SPATS2L: variants seen among roughly 807,000 people sequenced by gnomAD.
The protein encoded by SPATS2L is spermatogenesis associated serine rich 2 like.
In SPATS2L, 30 loss-of-function variants were observed where a neutral mutation model predicts 59.6. That is an observed-to-expected ratio of 0.50 (90% CI 0.38 to 0.68). SPATS2L has a LOEUF of 0.68. Ranked by LOEUF, SPATS2L falls within the 30% of genes least tolerant of loss-of-function variation. The pLI, the probability that SPATS2L is intolerant of heterozygous loss-of-function variation, is 0.00. For missense variants in SPATS2L, 615 were observed against 700.0 expected (o/e 0.88, Z 1.37); for synonymous variants, 252 against 263.5 (o/e 0.96, Z 0.42).
upstream of SPATS2L, chr2:200,306,095 C>T (rs964845681): frequency 1.5e-5 from 15 of 985,768 alleles, no homozygotes; most frequent in African/African-American, 1.7e-5. Flanking sequence ...GCGGAACACC[C>T]CGGGTTGGTC....
At chr2:200,360,966 G>GGTGTGT (rs1559067313) in intron 2 of SPATS2L, among the ~76,000 whole-genome samples, 2 of 60,604 alleles carry the variant, frequency 3.3e-5, no homozygotes, top group African/African-American at 6.9e-5. Flanking sequence ...GCAGAACAGG[G>GGTGTGT]CTGTGTGTGT....
At position 200,306,721 on chromosome 2, in the gene SPATS2L, G is replaced by A; in HGVS notation, c.-274G>A. 1.0e-6 allele frequency: 1 copy of A among 977,050 alleles called. No homozygotes were observed. The highest frequency in any genetic ancestry group is 1.2e-6 in the Non-Finnish European group (1 of 826,918). 60.5% of individuals were successfully genotyped at this position (977,050 alleles called of 1,614,324 possible). A position where few individuals can be genotyped will look rare whatever the true frequency, so the allele number is the denominator to read the frequency against. On this transcript the variant is annotated 5_prime_UTR_variant, in exon 1 of 13. Transcript: ENST00000409140. ...TGTGTCAGTGAAGGAATCCAGTCCG[G>A]GGGCCGAGCTGGCTGCGCCCTCCGC...
intron 6 of SPATS2L, among the ~76,000 whole-genome samples, chr2:200,427,442 CAT>C (rs2083643455): frequency 6.7e-6 from 1 of 149,602 alleles, no homozygotes. Flanking sequence ...TATACATATA[CAT>C]ATATATTACA....
chr2:200,455,993 GC>G (rs950056100), intron 8 of SPATS2L, among the ~76,000 whole-genome samples: 1 of 152,120 alleles, frequency 6.6e-6, no homozygotes, highest in Non-Finnish European at 1.5e-5. Context: ...TTGATGTAAG[GC>G]TGGCTCCTCA....
chr2:200,479,222 T>G lies in SPATS2L; in HGVS notation c.*1191T>G. ...CCGGCCAGCTCCCATCTCTTAATTATCTTAGCTCTCCTTTCCTCCTTGGGT... is the reference window on the plus strand; with the variant it reads ...CCGGCCAGCTCCCATCTCTTAATTAGCTTAGCTCTCCTTTCCTCCTTGGGT... On this transcript the variant is annotated 3_prime_UTR_variant, in exon 13 of 13. Transcript: ENST00000409140. 4.5e-6 allele frequency: 1 copy of G among 220,834 alleles called. No individual in the cohort carries two copies. Among genetic ancestry groups the G allele is most frequent in the Non-Finnish European group, 8.8e-6 (1 of 113,086 alleles). The allele number at this position is 220,834 out of a possible 1,614,324, so 13.7% of individuals were successfully genotyped here. A position where few individuals can be genotyped will look rare whatever the true frequency, so the allele number is the denominator to read the frequency against.
chr2:200,328,795 C>G (rs2079840791), intron 1 of SPATS2L, among the ~76,000 whole-genome samples: 1 of 152,162 alleles, frequency 6.6e-6, no homozygotes, highest in South Asian at 2.1e-4. Flanking sequence ...ACCCATCTTT[C>G]CACCTAAGTG....
chr2:200,315,991 C>T (rs2079364032), intron 1 of SPATS2L, among the ~76,000 whole-genome samples: 2 of 144,582 alleles, frequency 1.4e-5, no homozygotes, highest in Admixed American at 1.4e-4. Context: ...TGCCACTGCA[C>T]TCCAGCCTGG....
chr2:200,455,099 G>A (rs1574634570), intron 8 of SPATS2L, among the ~76,000 whole-genome samples: 2 of 152,292 alleles, frequency 1.3e-5, no homozygotes, highest in South Asian at 4.1e-4. Flanking sequence ...GTGACCAAAA[G>A]TTTTGCATAA....
At chr2:200,359,426 A>T (rs1209542740) in intron 2 of SPATS2L, among the ~76,000 whole-genome samples, 1 of 152,194 alleles carries the variant, frequency 6.6e-6, no homozygotes, top group East Asian at 1.9e-4. Flanking sequence ...TTGTATCTTT[A>T]AAATGTTGAA....
At chr2:200,445,811 G>T (rs1242388584) in intron 8 of SPATS2L, among the ~76,000 whole-genome samples, 1 of 151,370 alleles carries the variant, frequency 6.6e-6, no homozygotes, top group African/African-American at 2.4e-5. Flanking sequence ...CTGCTTTCGT[G>T]TGATTCCTGG....
At chr2:200,455,938 A>C (rs1314521595) in intron 8 of SPATS2L, among the ~76,000 whole-genome samples, 1 of 152,172 alleles carries the variant, frequency 6.6e-6, no homozygotes, top group Non-Finnish European at 1.5e-5. Context: ...AGAAGGATTT[A>C]GGCATGGTCT....
intron 3 of SPATS2L, among the ~76,000 whole-genome samples, chr2:200,401,936 A>G (rs1207550957): frequency 6.6e-6 from 1 of 152,192 alleles, no homozygotes; most frequent in Admixed American, 6.5e-5. Flanking sequence ...ACAGGCTCCC[A>G]AAAGAGTAAA....
At chr2:200,343,153 A>G (rs1470010) in intron 2 of SPATS2L, among the ~76,000 whole-genome samples, 16,422 of 152,222 alleles carry the variant, frequency 0.11, 946 homozygotes, top group Non-Finnish European at 0.13. Context: ...GCATGTAATC[A>G]GAGCACTACA....
rs931771081 is a variant in SPATS2L at position 200,333,267 on chromosome 2, C to T, written c.-23+3787C>T. On this transcript the variant is annotated intron_variant, in intron 2 of 12. Transcript: ENST00000409140. ...CACTACTGCACTCCAGCCTGGGTGA[C>T]AGGACAAGACCCTGTCTCAAAAAAA... 2.7e-4 allele frequency among the ~76,000 whole-genome samples: 41 copies of T among 150,276 alleles called. 1 individual carries two copies. The highest frequency in any genetic ancestry group is 8.6e-4 in the African/African-American group (35 of 40,858).
intron 2 of SPATS2L, among the ~76,000 whole-genome samples, chr2:200,365,131 C>T (rs2081228163): frequency 6.6e-6 from 1 of 152,160 alleles, no homozygotes; most frequent in Non-Finnish European, 1.5e-5. Flanking sequence ...ACAGCTTTTG[C>T]ATTATCACAG....
chr2:200,368,165 T>A (rs2081321721), intron 2 of SPATS2L, among the ~76,000 whole-genome samples: 1 of 152,032 alleles, frequency 6.6e-6, no homozygotes, highest in African/African-American at 2.4e-5. Flanking sequence ...GGCAGAGGTG[T>A]GAGAATCCAA....
chr2:200,395,620 A>G (rs975803988), intron 3 of SPATS2L, among the ~76,000 whole-genome samples: 10 of 152,234 alleles, frequency 6.6e-5, no homozygotes, highest in Non-Finnish European at 1.5e-5. Flanking sequence ...TAATAAATGT[A>G]GAGCTGCTTT....
intron 3 of SPATS2L, among the ~76,000 whole-genome samples, chr2:200,407,861 C>T (rs2082740532): frequency 6.6e-6 from 1 of 152,322 alleles, no homozygotes; most frequent in Non-Finnish European, 1.5e-5. Flanking sequence ...CTTCCTTTGA[C>T]TCAGAGCAGC....
chr2:200,335,515 A>G (rs2105806784), intron 2 of SPATS2L, among the ~76,000 whole-genome samples: 1 of 152,332 alleles, frequency 6.6e-6, no homozygotes, highest in African/African-American at 2.4e-5. Flanking sequence ...GGCAAAATAA[A>G]TGAATTTTTA....
Sources: allele counts gnomAD v4.1 joint callset (sites outside exome capture counted in the v4.1 genomes callset), GRCh38; gene constraint gnomAD v4.1.1; transcripts MANE v1.5; gene names NCBI Gene and HGNC (gene_info 2026-07-23, HGNC 2026-07-21).